Variants in ODF2L observed in about 807,000 individuals in gnomAD.
ODF2L encodes the protein protein BCAP.
Under a neutral mutation model 86.3 loss-of-function variants are expected in ODF2L, and 76 were observed. The observed-to-expected ratio is 0.88, with a 90% CI of 0.73 to 1.07. ODF2L has a LOEUF of 1.07. Ranked by LOEUF, ODF2L falls within the 50% of genes least tolerant of loss-of-function variation. The pLI, the probability that ODF2L is intolerant of heterozygous loss-of-function variation, is 0.00. For synonymous variants in ODF2L, 241 were observed against 231.3 expected, an observed-to-expected ratio of 1.04 and a Z score of -0.38; for missense variants, 748 against 717.4, an observed-to-expected ratio of 1.04 and a Z score of -0.49.
intron 12 of ODF2L, 37 bp downstream of exon 11, chr1:86,360,389 C>T: frequency 2.2e-6 from 2 of 910,662 alleles, no homozygotes; most frequent in Non-Finnish European, 3.5e-6. Flanking sequence ...AATTGTCTAC[C>T]AATTTTAGTA....
At chr1:86,369,077 G>A (rs1659632498) in intron 10 of ODF2L, among the ~76,000 whole-genome samples, 1 of 152,030 alleles carries the variant, frequency 6.6e-6, no homozygotes, top group Non-Finnish European at 1.5e-5. Flanking sequence ...TTACTGTAAT[G>A]AGTATATATT....
intron 12 of ODF2L, among the ~76,000 whole-genome samples, 198 bp downstream of exon 11, chr1:86,360,228 A>G (rs960577781): frequency 3.3e-5 from 5 of 152,216 alleles, no homozygotes; most frequent in Admixed American, 2.0e-4. Context: ...ATCCATATGC[A>G]GTGTTTGAAT....
exon 18 of ODF2L, chr1:86,351,107 T>C (rs1658105196): frequency 6.6e-6 from 1 of 152,202 alleles, no homozygotes; most frequent in South Asian, 2.1e-4. Context: ...TTAGATCCCA[T>C]TTGTCAATCT....
intron 11 of ODF2L, among the ~76,000 whole-genome samples, chr1:86,361,954 T>C (rs1157639449): frequency 2.6e-5 from 4 of 152,094 alleles, no homozygotes; most frequent in Non-Finnish European, 5.9e-5. Context: ...AGCAGTAAAA[T>C]ACATCAAACA....
chr1:86,367,247 T>C (rs956778243), intron 11 of ODF2L, among the ~76,000 whole-genome samples: 4 of 152,176 alleles, frequency 2.6e-5, no homozygotes, highest in African/African-American at 9.6e-5. Flanking sequence ...TTAATCATAA[T>C]GAGGACAGAA....
chr1:86,368,511 A>T, intron 11 of ODF2L: 2 of 853,184 alleles, frequency 2.3e-6, no homozygotes, highest in East Asian at 3.4e-5. Context: ...TCAAAGAGTT[A>T]CAAATTAAAA....
rs1658162839 is a variant in ODF2L at position 86,351,896 on chromosome 1, A to C, written c.*295T>G. On this transcript the variant is annotated 3_prime_UTR_variant, in exon 18 of 18. Transcript: ENST00000317336. Reference sequence around the variant, plus strand: ...TTTATTTTACTAGCTTTAGCCAAGTACTAGGGACATTACAGCAAAACCCAC... The same window carrying C: ...TTTATTTTACTAGCTTTAGCCAAGTCCTAGGGACATTACAGCAAAACCCAC... The C allele has an allele frequency of 8.0e-6, 9 of 1,121,702 alleles. No homozygotes were observed. In the South Asian group the frequency reaches 3.1e-4, roughly 38 times the overall value. 69.5% of individuals were successfully genotyped at this position (1,121,702 alleles called of 1,614,324 possible).
intron 7 of ODF2L, among the ~76,000 whole-genome samples, chr1:86,378,336 G>A (rs1295229719): frequency 2.6e-5 from 4 of 152,158 alleles, no homozygotes; most frequent in Non-Finnish European, 5.9e-5. Flanking sequence ...CATTCAACAA[G>A]CCTCTAGGAA....
intron 13 of ODF2L, chr1:86,358,116 G>C: frequency 1.0e-6 from 1 of 984,084 alleles, no homozygotes; most frequent in South Asian, 4.7e-5. Flanking sequence ...CTAAGATAGG[G>C]AGCAACCCAG....
chr1:86,371,426 A>G (rs1659777728), intron 9 of ODF2L, among the ~76,000 whole-genome samples: 1 of 152,174 alleles, frequency 6.6e-6, no homozygotes, highest in Non-Finnish European at 1.5e-5. Flanking sequence ...AAACTTCTAA[A>G]CTATTATCCA....
chr1:86,394,792 A>C (rs1190815812), intron 1 of ODF2L, among the ~76,000 whole-genome samples: 1 of 152,124 alleles, frequency 6.6e-6, no homozygotes, highest in Non-Finnish European at 1.5e-5. Flanking sequence ...GCAGAATATC[A>C]AACTAATTTC....
Position 86,385,716 on chromosome 1 carries a change from C to T in ODF2L, c.114-126G>A, listed in dbSNP as rs1486477466. 3.5e-5 allele frequency: 21 copies of T among 596,798 alleles called. No individual in the cohort carries two copies. In the East Asian group the frequency reaches 6.0e-4, roughly 17 times the overall value. The allele number at this position is 596,798 out of a possible 1,614,324, so 37.0% of individuals were successfully genotyped here. On this transcript the variant is annotated intron_variant, in intron 2 of 17. Coordinates refer to ENST00000317336, the Ensembl canonical transcript of ODF2L. The stretch of plus-strand genomic sequence containing the variant: ...GACAACTTTTAGTTCAAAAGTAGCT[C>T]GAAACTTGGACTTTGAGTGTAAGCA...
chr1:86,382,898 T>C (rs759617393), intron 6 of ODF2L, 33 bp downstream of exon 6: 4 of 1,079,038 alleles, frequency 3.7e-6, no homozygotes, highest in South Asian at 1.3e-5. Context: ...ATTAATATAA[T>C]GAATTAAGCT....
intron 7 of ODF2L, 80 bp downstream of exon 7, chr1:86,382,162 C>A: frequency 7.0e-7 from 1 of 1,433,512 alleles, no homozygotes; most frequent in South Asian, 1.6e-5. Context: ...CCACCAAATT[C>A]TAGAACTAAG....
rs76785175 is a variant in ODF2L at position 86,354,867 on chromosome 1, A to G, written c.1519-8T>C. ...ATTGTGATTTCCATCAACCTAAAAG[A>G]AAAAAAAAAGTTTTCTTAGTCATTT... On this transcript the variant is annotated splice_region_variant and splice_polypyrimidine_tract_variant and intron_variant, in intron 14 of 17. Transcript: ENST00000317336. 1 of 1,379,826 alleles carries G rather than the reference A, an allele frequency of 7.2e-7. No homozygotes were observed. The highest frequency in any genetic ancestry group is 1.0e-6 in the Non-Finnish European group (1 of 1,002,932). 85.5% of individuals were successfully genotyped at this position (1,379,826 alleles called of 1,614,324 possible).
intron 7 of ODF2L, among the ~76,000 whole-genome samples, chr1:86,378,499 C>G (rs959368297): frequency 6.6e-6 from 1 of 152,176 alleles, no homozygotes; most frequent in Non-Finnish European, 1.5e-5. Context: ...CTGTATTAGT[C>G]CATTCTCACG....
chr1:86,387,281 C>G (rs1400412020), intron 1 of ODF2L, among the ~76,000 whole-genome samples, 195 bp from the exon 2 acceptor site: 1 of 152,084 alleles, frequency 6.6e-6, no homozygotes, highest in Admixed American at 6.5e-5. Flanking sequence ...CAACAATTGC[C>G]AATTTCCATA....
At chr1:86,355,288 T>A in intron 14 of ODF2L, 1 of 1,143,106 alleles carries the variant, frequency 8.7e-7, no homozygotes, top group South Asian at 1.4e-5. Flanking sequence ...AAACTGTAAA[T>A]AAAATACATA....
chr1:86,380,463 G>A (rs747919999), intron 7 of ODF2L, among the ~76,000 whole-genome samples: 2 of 152,018 alleles, frequency 1.3e-5, no homozygotes, highest in Non-Finnish European at 2.9e-5. Flanking sequence ...AAGTCCACAC[G>A]GTGTCATCAT....
Sources: gnomAD v4.1 joint callset for allele counts (sites outside exome capture counted in the v4.1 genomes callset) on GRCh38, gnomAD v4.1.1 for gene constraint, MANE v1.5 for transcripts, NCBI Gene and HGNC (gene_info 2026-07-23, HGNC 2026-07-21) for gene names.